Variants in DCLK1 observed in about 807,000 individuals in gnomAD.
DCLK1 encodes serine/threonine-protein kinase DCLK1.
Under a neutral mutation model 86.2 loss-of-function variants are expected in DCLK1, and 16 were observed. The ratio of observed to expected loss-of-function variants is 0.19; its 90% confidence interval spans 0.13 to 0.28. The LOEUF (loss-of-function observed/expected upper bound fraction) is 0.28. DCLK1 is among the 10% of genes least tolerant of loss of function. DCLK1 has a pLI of 1.00. For missense variants in DCLK1, 590 were observed against 940.2 expected (o/e 0.63, Z 4.87); for synonymous variants, 369 against 370.5 (o/e 1.00, Z 0.05).
intron 4 of DCLK1, among the ~76,000 whole-genome samples, chr13:35,939,674 G>C (rs1217023964): frequency 1.3e-5 from 2 of 152,184 alleles, no homozygotes; most frequent in Non-Finnish European, 2.9e-5. Flanking sequence ...GGGATCACAG[G>C]CATGAGCCAC....
At chr13:35,812,006 T>G (rs2087155665) in intron 11 of DCLK1, among the ~76,000 whole-genome samples, 3 of 152,160 alleles carry the variant, frequency 2.0e-5, no homozygotes, top group Admixed American at 2.0e-4. Context: ...CTGTGGCAAT[T>G]TGGAAAGATT....
intron 4 of DCLK1, among the ~76,000 whole-genome samples, chr13:35,876,153 T>C (rs1872580335): frequency 6.6e-6 from 1 of 152,186 alleles, no homozygotes; most frequent in African/African-American, 2.4e-5. Flanking sequence ...ATGTTTAGTA[T>C]ATCAGAAAAA....
At chr13:35,884,264 A>G (rs17053070) in intron 4 of DCLK1, among the ~76,000 whole-genome samples, 13,023 of 152,246 alleles carry the variant, frequency 0.086, 899 homozygotes, top group South Asian at 0.28. Flanking sequence ...CTGGTCTTGA[A>G]AAAAACAGCA....
chr13:35,790,895 A>T (rs2086697589), intron 16 of DCLK1, among the ~76,000 whole-genome samples: 1 of 152,166 alleles, frequency 6.6e-6, no homozygotes. Context: ...TTGCATTTTA[A>T]GAATGAAAAA....
chr13:36,108,620 T>C (rs1885492692), intron 3 of DCLK1, among the ~76,000 whole-genome samples: 1 of 152,232 alleles, frequency 6.6e-6, no homozygotes, highest in Non-Finnish European at 1.5e-5. Flanking sequence ...CATGGATACA[T>C]CTGTAGGCTG....
chr13:35,794,649 G>A (rs2086770849), intron 15 of DCLK1, among the ~76,000 whole-genome samples: 1 of 152,216 alleles, frequency 6.6e-6, no homozygotes, highest in Non-Finnish European at 1.5e-5. Flanking sequence ...AGCAAAGACA[G>A]GCATGGGCCC....
At chr13:35,814,854 T>C (rs1450895719) in intron 11 of DCLK1, among the ~76,000 whole-genome samples, 1 of 152,246 alleles carries the variant, frequency 6.6e-6, no homozygotes, top group Non-Finnish European at 1.5e-5. Context: ...GGCTGCCATA[T>C]GTATCATATT....
At chr13:35,825,805 C>T (rs1267381512) in intron 10 of DCLK1, among the ~76,000 whole-genome samples, 1 of 129,152 alleles carries the variant, frequency 7.7e-6, no homozygotes, top group South Asian at 2.8e-4. Flanking sequence ...CAAATGAAAT[C>T]GACTTTTCTT....
chr13:35,894,767 A>G (rs1873853976), intron 4 of DCLK1, among the ~76,000 whole-genome samples: 1 of 152,186 alleles, frequency 6.6e-6, no homozygotes, highest in Non-Finnish European at 1.5e-5. Context: ...CGAGGAGCAG[A>G]GAGGACCAAG....
intron 3 of DCLK1, among the ~76,000 whole-genome samples, chr13:36,044,022 C>T (rs1407097408): frequency 2.6e-5 from 4 of 152,136 alleles, no homozygotes; most frequent in South Asian, 4.1e-4. Context: ...GCCTAGTGGG[C>T]GGTGTTTGGG....
At chr13:36,103,081 A>T (rs1031340501) in intron 3 of DCLK1, among the ~76,000 whole-genome samples, 3 of 151,770 alleles carry the variant, frequency 2.0e-5, no homozygotes. Context: ...TGTTGTTGTT[A>T]TTGTTGTTTG....
intron 4 of DCLK1, among the ~76,000 whole-genome samples, chr13:35,925,288 C>T (rs1483461610): frequency 6.6e-6 from 1 of 152,204 alleles, no homozygotes; most frequent in Admixed American, 6.5e-5. Flanking sequence ...CCTTTGCAAA[C>T]TGCTAGAGAA....
chr13:35,994,587 T>C (rs1024480730), intron 3 of DCLK1, among the ~76,000 whole-genome samples: 1 of 152,234 alleles, frequency 6.6e-6, no homozygotes, highest in African/African-American at 2.4e-5. Context: ...GGTGAGGTTG[T>C]CTGTTCTTTT....
At chr13:35,993,921 A>G (rs184122895) in intron 3 of DCLK1, among the ~76,000 whole-genome samples, 91 of 152,244 alleles carry the variant, frequency 6.0e-4, no homozygotes, top group African/African-American at 2.1e-3. Context: ...AAGTCTTTAA[A>G]GACCTGAGTG....
intron 16 of DCLK1, among the ~76,000 whole-genome samples, chr13:35,786,334 A>G (rs1047201681): frequency 1.3e-5 from 2 of 152,214 alleles, no homozygotes; most frequent in African/African-American, 4.8e-5. Flanking sequence ...CTTGATGCCT[A>G]TTTTTAATTG....
At chr13:35,990,979 C>T (rs1167665767) in intron 3 of DCLK1, among the ~76,000 whole-genome samples, 1 of 152,132 alleles carries the variant, frequency 6.6e-6, no homozygotes, top group Admixed American at 6.5e-5. Flanking sequence ...GACCAGGTTC[C>T]TTACAAGGCA....
intron 3 of DCLK1, among the ~76,000 whole-genome samples, chr13:36,110,827 A>AT (rs869131031): frequency 0.32 from 37,956 of 120,120 alleles, 7,400 homozygotes; most frequent in East Asian, 0.69. Context: ...CATATAATCA[A>AT]TTTTTTTTTT....
At chr13:35,907,838 C>CT (rs981648535) in intron 4 of DCLK1, among the ~76,000 whole-genome samples, 2 of 71,970 alleles carry the variant, frequency 2.8e-5, no homozygotes, top group Non-Finnish European at 6.6e-5. Context: ...TATGAAAAAA[C>CT]TTTAAAAAAA....
intron 4 of DCLK1, among the ~76,000 whole-genome samples, chr13:35,936,826 G>T (rs887249475): frequency 1.3e-5 from 2 of 152,096 alleles, no homozygotes; most frequent in African/African-American, 4.8e-5. Context: ...AATAGGGAGG[G>T]CTTTGGAAAA....
Sources: gnomAD v4.1 joint callset for allele counts (sites outside exome capture counted in the v4.1 genomes callset) on GRCh38, gnomAD v4.1.1 for gene constraint, MANE v1.5 for transcripts, NCBI Gene and HGNC (gene_info 2026-07-23, HGNC 2026-07-21) for gene names.